Variants in DNAH5 observed in about 807,000 individuals in gnomAD.
DNAH5 encodes the protein axonemal beta dynein heavy chain 5.
A neutral mutation model predicts 518.2 loss-of-function variants in DNAH5; 372 were observed. The ratio of observed to expected loss-of-function variants is 0.72; its 90% CI spans 0.66 to 0.78. The LOEUF (loss-of-function observed/expected upper bound fraction) is 0.78, where lower values mean the gene tolerates loss of function less well. Ranked by LOEUF, DNAH5 falls within the 30% of genes least tolerant of loss-of-function variation. The pLI is 0.00. For missense variants in DNAH5, 5,523 were observed against 5,687.0 expected, an observed-to-expected ratio of 0.97 and a Z score of 0.93; for synonymous variants, 2,039 against 2,025.9, an observed-to-expected ratio of 1.01 and a Z score of -0.17.
intron 53 of DNAH5, among the ~76,000 whole-genome samples, chr5:13,779,960 G>A (rs1214512887): frequency 1.3e-5 from 2 of 151,916 alleles, no homozygotes; most frequent in East Asian, 1.9e-4. Context: ...TCCTCCCTAG[G>A]AGCAACTCAT....
intron 70 of DNAH5, among the ~76,000 whole-genome samples, chr5:13,727,261 GTT>G (rs1187704849): frequency 3.3e-5 from 5 of 152,116 alleles, no homozygotes; most frequent in Non-Finnish European, 7.4e-5. Context: ...TAGAATCATG[GTT>G]TTCTCATTTA....
chr5:13,866,095 T>A, intron 26 of DNAH5, 125 bp downstream of exon 26: 2 of 966,734 alleles, frequency 2.1e-6, no homozygotes, highest in Non-Finnish European at 3.2e-6. Context: ...ATATCGTATT[T>A]TTAATGCAAG....
intron 65 of DNAH5, among the ~76,000 whole-genome samples, chr5:13,744,883 C>A (rs1434870081): frequency 1.3e-5 from 2 of 152,108 alleles, no homozygotes; most frequent in Non-Finnish European, 2.9e-5. Flanking sequence ...GTACTTTACA[C>A]TAGTAACCAA....
intron 40 of DNAH5, among the ~76,000 whole-genome samples, chr5:13,821,792 T>C (rs1388665790): frequency 6.6e-6 from 1 of 152,190 alleles, no homozygotes. Flanking sequence ...AGCTTTTTTA[T>C]ATTTTTATAT....
At position 13,923,325 on chromosome 5, in the gene DNAH5, G is replaced by A. The variant is rs202190908; in HGVS notation, c.393C>T (p.Ile131=). Residue 131 remains isoleucine (I), a synonymous_variant, in exon 4 of 79, where the codon ATC becomes ATT. Transcript: ENST00000265104. ...TGATGGCTTTGGAAGGGTCAGTCCT[G>A]ATGAAGAACACACATACCCCAGTAA... The part of the protein sequence containing the change: ...VALTGVCVFF[I]RTDPSKAITP... 77 of 1,614,000 alleles carry A rather than the reference G, an allele frequency of 4.8e-5. No individual in the cohort carries two copies. The highest frequency in any genetic ancestry group is 2.2e-5 in the Non-Finnish European group (26 of 1,180,018).
rs1267187100 is a variant in DNAH5, at chr5:13,908,670, C to T, written c.1644+2716G>A. Among the ~76,000 whole-genome samples the T allele has an allele frequency of 3.3e-5, 5 of 152,338 alleles. No individual in the cohort carries two copies. The East Asian group carries it at 9.7e-4, about 29-fold the overall frequency. ...CTTTACTAAGTAGTGCCTTCTCCAT[C>T]TGCTGGGATCAGCATGCTTCTAGAC... is the stretch of plus-strand genomic sequence containing the variant. On this transcript the variant is annotated intron_variant, in intron 12 of 78. Transcript: ENST00000265104.
rs1237715134 is a variant in DNAH5 at position 13,885,040 on chromosome 5, G to C, written c.2932C>G (p.Leu978Val). The C allele has an allele frequency of 3.1e-6, 5 of 1,614,216 alleles. No individual in the cohort carries two copies. The highest frequency in any genetic ancestry group is 2.7e-5 in the African/African-American group (2 of 75,066). The change falls in exon 19 of 79, where the codon CTA (leucine) becomes GTA (valine). Residue 978 changes from leucine (L) to valine (V), a missense_variant. Physicochemically the swap from Leu to Val is conservative, Grantham distance 32 (BLOSUM62 1). Around this residue, in one of 3 missense-constraint regions of DNAH5, gnomAD observed 5,121 missense variants for 5,223.3 expected, o/e 0.98. Coordinates refer to ENST00000265104, the MANE Select transcript of DNAH5 (RefSeq NM_001369.3). The stretch of plus-strand genomic sequence containing the variant: ...TGAATACGTTTGCGAATGGCCTCTA[G>C]TGTATTCCTTGTAACTTTCAGAAGA... ...DALLKVTRNT[L>V]EAIRKRIHSS...
At position 13,841,700 on chromosome 5, in the gene DNAH5, G is replaced by C. The variant is rs928564123; in HGVS notation, c.5476C>G (p.Pro1826Ala). 1 of 1,611,578 alleles carries C rather than the reference G, an allele frequency of 6.2e-7. No homozygotes were observed. The highest frequency in any genetic ancestry group is 1.7e-5 in the Admixed American group (1 of 59,994). Residue 1826 changes from proline to alanine, a missense_variant, in exon 33 of 79, where the codon CCT (proline) becomes GCT (alanine). By Grantham distance (27) the Pro-to-Ala change is conservative. This residue lies in a region of DNAH5 where 5,121 missense variants were observed against 5,223.3 expected (regional missense o/e 0.98). Transcript: ENST00000265104. ...AATTTCAATACACTGACCTGAGCAG[G>C]GAAGGATGAAAGAAATTCAGTTAGT... ...FQLTEFLSSF[P>A]AQVGLLGIQM...
chr5:13,699,961 C>T (rs1320454309), intron 78 of DNAH5, among the ~76,000 whole-genome samples: 4 of 152,220 alleles, frequency 2.6e-5, no homozygotes, highest in South Asian at 2.1e-4. Flanking sequence ...AATCCAATAA[C>T]GGAAAATAGT....
chr5:13,744,655 G>A (rs1749088016), intron 65 of DNAH5, among the ~76,000 whole-genome samples: 1 of 151,968 alleles, frequency 6.6e-6, no homozygotes, highest in Non-Finnish European at 1.5e-5. Flanking sequence ...ACACGTACAG[G>A]GTGGTTTGGT....
chr5:13,823,176 A>T (rs1762447376), intron 40 of DNAH5, 87 bp downstream of exon 40: 2 of 895,692 alleles, frequency 2.2e-6, no homozygotes, highest in African/African-American at 3.3e-5. Context: ...CAGAGTGCAT[A>T]GGTTGGAGCC....
Position 13,900,182 on chromosome 5 carries a change from G to A in DNAH5, c.2259+24C>T, listed in dbSNP as rs566732614. The A allele has an allele frequency of 2.8e-4, 446 of 1,583,140 alleles. 3 individuals carry two copies. The South Asian group carries it at 3.8e-3, about 13-fold the overall frequency. On this transcript the variant is annotated intron_variant, in intron 15 of 78. Transcript: ENST00000265104. ...ACATTCCAGAGCTAGCCAAGAATGG[G>A]GGGAAAAAATAAAAGTAGTATACCT... is the stretch of plus-strand genomic sequence containing the variant.
At chr5:13,705,383 T>C (rs1393826040) in intron 76 of DNAH5, among the ~76,000 whole-genome samples, 2 of 152,234 alleles carry the variant, frequency 1.3e-5, no homozygotes. Flanking sequence ...GTAATGCCTA[T>C]GTTAATTAGC....
intron 35 of DNAH5, among the ~76,000 whole-genome samples, chr5:13,835,219 C>T (rs538636107): frequency 5.3e-5 from 8 of 151,020 alleles, no homozygotes; most frequent in South Asian, 4.2e-4. Context: ...TGGGAGGTTG[C>T]GGTGAGCGGA....
chr5:13,964,818 A>T (rs577289447), intron 1 of DNAH5, among the ~76,000 whole-genome samples: 22 of 152,342 alleles, frequency 1.4e-4, no homozygotes, highest in Non-Finnish European at 2.6e-4. Flanking sequence ...GAGAAGAGAA[A>T]ATAGTGCCAA....
At chr5:13,715,053 C>T (rs1744109578) in intron 74 of DNAH5, among the ~76,000 whole-genome samples, 1 of 152,052 alleles carries the variant, frequency 6.6e-6, no homozygotes, top group African/African-American at 2.4e-5. Flanking sequence ...ATAAAGGCAG[C>T]ACGTGGGAGT....
chr5:13,702,864 C>T (rs904358129), intron 76 of DNAH5, among the ~76,000 whole-genome samples: 1 of 152,030 alleles, frequency 6.6e-6, no homozygotes, highest in Non-Finnish European at 1.5e-5. Context: ...GGCTCAGCAC[C>T]AAACAAGTCC....
chr5:13,853,482 T>C (rs1318451792), intron 30 of DNAH5, among the ~76,000 whole-genome samples: 1 of 151,872 alleles, frequency 6.6e-6, no homozygotes, highest in Non-Finnish European at 1.5e-5. Flanking sequence ...GGATAACAAC[T>C]CCTCGCCAGC....
At chr5:13,981,047 A>G (rs1782640493) in intron 1 of DNAH5, among the ~76,000 whole-genome samples, 1 of 152,012 alleles carries the variant, frequency 6.6e-6, no homozygotes, top group Non-Finnish European at 1.5e-5. Context: ...CCTGACTCCC[A>G]CCCACTCTCT....
Sources: gnomAD v4.1 joint callset for allele counts (sites outside exome capture counted in the v4.1 genomes callset) on GRCh38, gnomAD v4.1.1 for gene constraint, gnomAD v4.1.1 regional missense constraint, MANE v1.5 for transcripts, NCBI Gene and HGNC (gene_info 2026-07-23, HGNC 2026-07-21) for gene names.